Variants in CRPPA observed in about 807,000 individuals in gnomAD.
CRPPA encodes D-ribitol-5-phosphate cytidylyltransferase.
Under a neutral mutation model 52.0 loss-of-function variants are expected in CRPPA, and 43 were observed. The observed-to-expected ratio is 0.83, with a 90% CI of 0.65 to 1.07. The LOEUF is 1.07. Among genes scored for constraint, CRPPA ranks in the 50% least tolerant of loss-of-function variants. The pLI is 0.00. For missense variants in CRPPA, 629 were observed against 551.7 expected (o/e 1.14, Z -1.40); for synonymous variants, 250 against 203.5 (o/e 1.23, Z -1.94).
chr7:16,366,588 T>G (rs1583551763), intron 3 of CRPPA, among the ~76,000 whole-genome samples: 1 of 152,146 alleles, frequency 6.6e-6, no homozygotes, highest in East Asian at 1.9e-4. Flanking sequence ...AAGTAATTTA[T>G]GCTTTTAGGC....
At chr7:16,201,209 T>C (rs1240623365) in intron 9 of CRPPA, among the ~76,000 whole-genome samples, 1 of 152,108 alleles carries the variant, frequency 6.6e-6, no homozygotes, top group Non-Finnish European at 1.5e-5. Context: ...AATAAAAACA[T>C]ATAAGCATTG....
chr7:16,360,404 T>C (rs905358881), intron 3 of CRPPA, among the ~76,000 whole-genome samples: 1 of 152,132 alleles, frequency 6.6e-6, no homozygotes, highest in Non-Finnish European at 1.5e-5. Context: ...TCACTCCAAA[T>C]AACCAAAGCA....
intron 9 of CRPPA, among the ~76,000 whole-genome samples, chr7:16,097,484 A>C (rs1781958703): frequency 6.6e-6 from 1 of 152,210 alleles, no homozygotes; most frequent in African/African-American, 2.4e-5. Context: ...GTTTAGGATG[A>C]AATACACCAT....
chr7:16,244,618 T>C (rs773816716), intron 8 of CRPPA, among the ~76,000 whole-genome samples: 1 of 152,206 alleles, frequency 6.6e-6, no homozygotes, highest in Non-Finnish European at 1.5e-5. Flanking sequence ...TAAGTTGACA[T>C]TCAGCCTCAT....
intron 9 of CRPPA, among the ~76,000 whole-genome samples, chr7:16,129,209 T>C (rs1782637188): frequency 6.6e-6 from 1 of 152,146 alleles, no homozygotes; most frequent in Non-Finnish European, 1.5e-5. Flanking sequence ...CATGTCCTCA[T>C]GTATGTTGCC....
chr7:16,370,412 C>T (rs7783283), intron 3 of CRPPA, among the ~76,000 whole-genome samples: 71,088 of 151,930 alleles, frequency 0.47, 17,337 homozygotes, highest in African/African-American at 0.59. Flanking sequence ...CAGAGCTGAA[C>T]CCACTGCTGG....
At chr7:16,275,047 G>T (rs1418641843) in intron 6 of CRPPA, among the ~76,000 whole-genome samples, 1 of 152,104 alleles carries the variant, frequency 6.6e-6, no homozygotes, top group African/African-American at 2.4e-5. Flanking sequence ...CTGCACTCCA[G>T]CCTGGGCAAC....
intron 2 of CRPPA, among the ~76,000 whole-genome samples, chr7:16,386,697 G>A (rs1317259483): frequency 6.6e-6 from 1 of 152,022 alleles, no homozygotes; most frequent in East Asian, 1.9e-4. Context: ...AAAATGACAG[G>A]CAAGGAAGTT....
At chr7:16,196,951 T>G (rs552198294) in intron 9 of CRPPA, among the ~76,000 whole-genome samples, 1 of 152,054 alleles carries the variant, frequency 6.6e-6, no homozygotes, top group Non-Finnish European at 1.5e-5. Context: ...ACTCAAATGC[T>G]GACGCTCATG....
At chr7:16,288,578 G>C (rs1404701990) in intron 5 of CRPPA, among the ~76,000 whole-genome samples, 1 of 151,892 alleles carries the variant, frequency 6.6e-6, no homozygotes, top group East Asian at 1.9e-4. Context: ...GGGCACAGTG[G>C]CTCACACCTG....
intron 9 of CRPPA, among the ~76,000 whole-genome samples, chr7:16,103,938 CTT>C (rs1038783412): frequency 2.6e-5 from 4 of 152,008 alleles, no homozygotes; most frequent in Admixed American, 6.6e-5. Flanking sequence ...AAATTATAAA[CTT>C]AATGCAAAAA....
At chr7:16,407,781 C>T (rs1462248482) in intron 1 of CRPPA, among the ~76,000 whole-genome samples, 1 of 152,040 alleles carries the variant, frequency 6.6e-6, no homozygotes, top group Non-Finnish European at 1.5e-5. Flanking sequence ...CATTTTAAGC[C>T]CATTTCTTTA....
chr7:16,203,727 G>A (rs1029477220), intron 9 of CRPPA, among the ~76,000 whole-genome samples: 1 of 152,126 alleles, frequency 6.6e-6, no homozygotes, highest in Non-Finnish European at 1.5e-5. Context: ...ACCACTCTGT[G>A]TTGTGTTTCT....
intron 2 of CRPPA, among the ~76,000 whole-genome samples, chr7:16,399,537 A>T (rs1159755044): frequency 6.6e-6 from 1 of 152,102 alleles, no homozygotes; most frequent in African/African-American, 2.4e-5. Context: ...CACGTGACTG[A>T]CACGAGATTG....
intron 9 of CRPPA, among the ~76,000 whole-genome samples, chr7:16,152,984 A>G (rs1783106084): frequency 6.6e-6 from 1 of 152,030 alleles, no homozygotes; most frequent in African/African-American, 2.4e-5. Context: ...TTTACTCTGC[A>G]TATTATGATT....
chr7:16,415,443 C>A (rs572717306), intron 1 of CRPPA, among the ~76,000 whole-genome samples: 1 of 152,194 alleles, frequency 6.6e-6, no homozygotes, highest in Non-Finnish European at 1.5e-5. Flanking sequence ...TGTGCTAATT[C>A]TCAGCCAGAG....
chr7:16,256,529 A>G (rs898815321), intron 8 of CRPPA, among the ~76,000 whole-genome samples: 3 of 152,220 alleles, frequency 2.0e-5, no homozygotes, highest in African/African-American at 7.2e-5. Flanking sequence ...CCCATCAGTG[A>G]TAGACTGGAT....
intron 3 of CRPPA, among the ~76,000 whole-genome samples, chr7:16,350,020 G>C (rs1202372540): frequency 6.6e-6 from 1 of 151,920 alleles, no homozygotes; most frequent in South Asian, 2.1e-4. Flanking sequence ...CAAGTTGTTA[G>C]AGACATGTGA....
intron 1 of CRPPA, among the ~76,000 whole-genome samples, chr7:16,411,865 T>C (rs4631352): frequency 0.049 from 7,428 of 152,238 alleles, 365 homozygotes; most frequent in African/African-American, 0.12. Context: ...TATTCACCTG[T>C]CACTTTTCAT....
Sources: allele counts gnomAD v4.1 joint callset (sites outside exome capture counted in the v4.1 genomes callset), GRCh38; gene constraint gnomAD v4.1.1; transcripts MANE v1.5; gene names NCBI Gene and HGNC (gene_info 2026-07-23, HGNC 2026-07-21).